Variants in BLTP1 observed in about 807,000 individuals in gnomAD.
BLTP1 encodes fragile site-associated protein.
the BLTP1 span, among the ~76,000 whole-genome samples, chr4:122,312,106 G>T: frequency 1.3e-5 from 2 of 152,088 alleles, no homozygotes; most frequent in Non-Finnish European, 2.9e-5. Context: ...TGCCATCATA[G>T]CTCACTGCAG....
the BLTP1 span, chr4:122,309,307 A>G: frequency 6.2e-7 from 1 of 1,613,222 alleles, no homozygotes; most frequent in Non-Finnish European, 8.5e-7. Context: ...CTGCTTTGGT[A>G]TTAACCATTG....
chr4:122,207,715 C>G, the BLTP1 span: 3 of 1,244,088 alleles, frequency 2.4e-6, no homozygotes, highest in South Asian at 4.1e-5. Flanking sequence ...TCTTCACTCT[C>G]TTCTCCCCAG....
chr4:122,279,608 G>C, the BLTP1 span: 2 of 290,316 alleles, frequency 6.9e-6, no homozygotes, highest in African/African-American at 2.3e-5. Flanking sequence ...TTATTTTGGT[G>C]CAAAATAATT....
the BLTP1 span, chr4:122,215,323 T>A: frequency 3.2e-6 from 3 of 946,366 alleles, no homozygotes; most frequent in East Asian, 1.2e-4. Context: ...TAAATTTTTT[T>A]AAGATTTACA....
the BLTP1 span, chr4:122,173,026 C>T: frequency 1.2e-6 from 2 of 1,611,498 alleles, no homozygotes; most frequent in Non-Finnish European, 1.7e-6. Flanking sequence ...GATTTTTTTC[C>T]TCCCAACAGC....
chr4:122,272,303 A>G, the BLTP1 span: 3 of 1,613,392 alleles, frequency 1.9e-6, no homozygotes, highest in South Asian at 1.1e-5. Context: ...TGGGATTGGC[A>G]TGGTGAACCG....
At chr4:122,312,651 A>T in the BLTP1 span, 586 of 162,030 alleles carry the variant, frequency 3.6e-3, 6 homozygotes, top group African/African-American at 0.013. Context: ...TAGATGTTAA[A>T]CTTATTGGCA....
At chr4:122,346,478 T>C in the BLTP1 span, 2 of 1,369,714 alleles carry the variant, frequency 1.5e-6, no homozygotes, top group Non-Finnish European at 1.9e-6. Context: ...TGTGCTGTTT[T>C]TGTAATTTGT....
At chr4:122,281,444 T>C in the BLTP1 span, 2 of 1,430,986 alleles carry the variant, frequency 1.4e-6, no homozygotes, top group African/African-American at 2.9e-5. Flanking sequence ...CAGTATATAT[T>C]TGCTATTTTT....
chr4:122,192,331 G>T, the BLTP1 span: 1 of 1,613,614 alleles, frequency 6.2e-7, no homozygotes, highest in Non-Finnish European at 8.5e-7. Flanking sequence ...GATATAGTTT[G>T]TGGTAAAGGA....
At chr4:122,196,568 T>C in the BLTP1 span, 2 of 1,270,494 alleles carry the variant, frequency 1.6e-6, no homozygotes, top group African/African-American at 1.5e-5. Flanking sequence ...ATATTGATTA[T>C]GTTCCTTTAT....
At chr4:122,230,157 C>A in the BLTP1 span, 3 of 1,614,076 alleles carry the variant, frequency 1.9e-6, no homozygotes, top group Non-Finnish European at 2.5e-6. Flanking sequence ...GACCATCATT[C>A]TAAACATGAG....
the BLTP1 span, chr4:122,201,794 C>T: frequency 1.1e-6 from 1 of 875,494 alleles, no homozygotes; most frequent in Non-Finnish European, 1.4e-6. Context: ...CCACAGAAAC[C>T]TAATCTTTGC....
At chr4:122,339,297 C>T in the BLTP1 span, 1 of 1,613,528 alleles carries the variant, frequency 6.2e-7, no homozygotes, top group Non-Finnish European at 8.5e-7. Flanking sequence ...TTCTTCAAAC[C>T]GAGGAGAACT....
the BLTP1 span, chr4:122,172,466 A>C: frequency 1.3e-5 from 4 of 300,072 alleles, no homozygotes; most frequent in Non-Finnish European, 2.0e-5. Context: ...TTACTGTAGC[A>C]TATTCAATGA....
the BLTP1 span, chr4:122,234,270 T>C: frequency 2.6e-6 from 1 of 389,210 alleles, no homozygotes; most frequent in African/African-American, 2.2e-5. Context: ...AGTGGTTCAT[T>C]ATTTTAATTT....
the BLTP1 span, among the ~76,000 whole-genome samples, chr4:122,203,131 T>C: frequency 6.6e-6 from 1 of 151,988 alleles, no homozygotes; most frequent in Admixed American, 6.6e-5. Flanking sequence ...AGTGTTTGGA[T>C]TGCTTTGTCT....
At chr4:122,314,060 AAAG>A in the BLTP1 span, 6 of 970,142 alleles carry the variant, frequency 6.2e-6, no homozygotes, top group Non-Finnish European at 7.3e-6. Context: ...AAATGTATAA[AAAG>A]AAGAGAATAT....
chr4:122,205,352 G>A, the BLTP1 span, among the ~76,000 whole-genome samples: 1 of 151,718 alleles, frequency 6.6e-6, no homozygotes, highest in Non-Finnish European at 1.5e-5. Context: ...AAGTCTGTGA[G>A]GTTGTTCTTA....
Sources: allele counts gnomAD v4.1 joint callset (sites outside exome capture counted in the v4.1 genomes callset), GRCh38; gene constraint gnomAD v4.1.1; transcripts MANE v1.5; gene names NCBI Gene and HGNC (gene_info 2026-07-23, HGNC 2026-07-21).